The following MCF2L2 variants were observed in gnomAD, a reference collection of about 807,000 sequenced individuals.
MCF2L2 encodes the protein probable guanine nucleotide exchange factor MCF2L2.
Under a neutral mutation model 150.2 loss-of-function variants are expected in MCF2L2, and 102 were observed. The observed-to-expected ratio is 0.68, with a 90% CI of 0.58 to 0.80. The LOEUF is 0.80. Among genes scored for constraint, MCF2L2 ranks in the 30% least tolerant of loss-of-function variants. The pLI is 0.00. For synonymous variants in MCF2L2, 465 were observed against 491.3 expected (o/e 0.95, Z 0.71); for missense variants, 1,256 against 1,372.8 (o/e 0.91, Z 1.34).
chr3:183,223,204 G>T, intron 20 of MCF2L2, 142 bp downstream of exon 20: 1 of 612,586 alleles, frequency 1.6e-6, no homozygotes, highest in Non-Finnish European at 2.9e-6. Flanking sequence ...ATTTAGAGTT[G>T]GAGGAAAGAA....
In MCF2L2 at chr3:183,305,869, G is replaced by T. The variant is rs1035895386; in HGVS notation, c.1113+3847C>A. Among the ~76,000 whole-genome samples the T allele has an allele frequency of 1.3e-5, 2 of 152,144 alleles. No individual in the cohort carries two copies. Among genetic ancestry groups the T allele is most frequent in the African/African-American group, 4.8e-5 (2 of 41,430 alleles). On this transcript the variant is annotated intron_variant, in intron 10 of 29. Coordinates refer to ENST00000328913, the MANE Select transcript of MCF2L2 (RefSeq NM_015078.4). The surrounding 1 kb of genome is among the most constrained non-coding windows in gnomAD (Gnocchi z 4.1). ...CGTCTCAAAAAAAAGGGCAACTAAGGAGCAACCCGGATTCAGCCACCACAT... is the reference window on the plus strand; with the variant it reads ...CGTCTCAAAAAAAAGGGCAACTAAGTAGCAACCCGGATTCAGCCACCACAT...
At chr3:183,281,063 G>A (rs114345548) in intron 14 of MCF2L2, among the ~76,000 whole-genome samples, 5,321 of 151,996 alleles carry the variant, frequency 0.035, 162 homozygotes, top group Non-Finnish European at 0.049. Flanking sequence ...TAAAGGTTCA[G>A]CATTTTCTGG....
At chr3:183,325,019 G>A (rs1409643937) in intron 5 of MCF2L2, among the ~76,000 whole-genome samples, 2 of 135,112 alleles carry the variant, frequency 1.5e-5, no homozygotes, top group African/African-American at 6.1e-5. Flanking sequence ...ACTATCACAA[G>A]GACAAAAAAC....
chr3:183,372,795 G>A (rs947526120), intron 3 of MCF2L2: 13 of 152,178 alleles, frequency 8.5e-5, no homozygotes, highest in Admixed American at 6.5e-4. Flanking sequence ...TCTCCAATCC[G>A]TTTCTAATAA....
At chr3:183,250,643 T>TGAGATCA (rs1724475744) in intron 15 of MCF2L2, among the ~76,000 whole-genome samples, 1 of 145,004 alleles carries the variant, frequency 6.9e-6, no homozygotes. Flanking sequence ...AGACAATGGG[T>TGAGATCA]GAGATCAGCA....
intron 3 of MCF2L2, among the ~76,000 whole-genome samples, chr3:183,356,339 CCT>C (rs1711782050): frequency 6.6e-6 from 1 of 151,906 alleles, no homozygotes; most frequent in South Asian, 2.1e-4. Flanking sequence ...ACGGTGAAAC[CCT>C]GTCTCTACTA....
At chr3:183,424,348 T>A (rs1716052887) in intron 1 of MCF2L2, among the ~76,000 whole-genome samples, 1 of 152,184 alleles carries the variant, frequency 6.6e-6, no homozygotes, top group Non-Finnish European at 1.5e-5. Flanking sequence ...GAGGAACACA[T>A]GAAGGGCTTC....
rs1483270478 is a variant in MCF2L2 at position 183,427,940 on chromosome 3, T to C, written c.38A>G (p.Glu13Gly). ...SCLKEEMPPQELTRRLATVIT... is the reference protein window; with the variant it reads ...SCLKEEMPPQGLTRRLATVIT... ...CACTGTGGCCAGTCGCCGGGTGAGC[T>C]CCTGGGGAGGCATCTCTTCTTTTAA... The change falls in exon 1 of 30, where the codon GAG becomes GGG. Residue 13 changes from glutamate to glycine, a missense_variant. Transcript: ENST00000328913. 6.2e-7 allele frequency: 1 copy of C among 1,613,986 alleles called. No individual in the cohort carries two copies.
intron 27 of MCF2L2, 151 bp from the exon 28 acceptor site, chr3:183,180,310 G>A: frequency 1.7e-6 from 1 of 602,388 alleles, no homozygotes; most frequent in South Asian, 2.1e-5. Context: ...GCGCTGGGCT[G>A]TGAGGGGGTC....
chr3:183,313,700 C>T (rs991526566), intron 7 of MCF2L2, among the ~76,000 whole-genome samples: 3 of 152,204 alleles, frequency 2.0e-5, no homozygotes, highest in African/African-American at 7.2e-5. Flanking sequence ...TGCCCGCACT[C>T]AGGCTGGAGG....
intron 15 of MCF2L2, among the ~76,000 whole-genome samples, chr3:183,261,557 T>C (rs1431613143): frequency 2.6e-5 from 4 of 152,212 alleles, no homozygotes; most frequent in Non-Finnish European, 5.9e-5. Flanking sequence ...TAGTCTACTT[T>C]CTAAGCATAT....
chr3:183,355,702 G>T (rs1203457213), intron 3 of MCF2L2, among the ~76,000 whole-genome samples: 1 of 145,254 alleles, frequency 6.9e-6, no homozygotes, highest in Admixed American at 7.3e-5. Flanking sequence ...TCCTGACCTC[G>T]TGATCCGCCT....
intron 1 of MCF2L2, among the ~76,000 whole-genome samples, chr3:183,405,284 T>C (rs1460261774): frequency 1.3e-5 from 2 of 152,244 alleles, no homozygotes; most frequent in East Asian, 3.8e-4. Context: ...TTTCCAAATA[T>C]TGAACAATGA....
chr3:183,211,631 G>A (rs142886547), intron 22 of MCF2L2, among the ~76,000 whole-genome samples: 19 of 152,346 alleles, frequency 1.2e-4, no homozygotes, highest in Non-Finnish European at 2.1e-4. Flanking sequence ...GACCTTTTCC[G>A]TCACGTGTAC....
chr3:183,178,979 T>G lies in MCF2L2; in HGVS notation c.*401A>C. ...CTGCAGGCATTTTTGATTGTCACGATTTGGGGGCGGGGTGGAGGATGGGGT... is the reference window on the plus strand; with the variant it reads ...CTGCAGGCATTTTTGATTGTCACGAGTTGGGGGCGGGGTGGAGGATGGGGT... On this transcript the variant is annotated 3_prime_UTR_variant, in exon 30 of 30. Transcript: ENST00000328913. 2 of 165,076 alleles carry G rather than the reference T, an allele frequency of 1.2e-5. No homozygotes were observed. Among genetic ancestry groups the G allele is most frequent in the Non-Finnish European group, 2.6e-5 (2 of 76,940 alleles). The allele number at this position is 165,076 out of a possible 1,614,324, so 10.2% of individuals were successfully genotyped here. A position where few individuals can be genotyped will look rare whatever the true frequency, so the allele number is the denominator to read the frequency against.
intron 14 of MCF2L2, among the ~76,000 whole-genome samples, chr3:183,281,417 A>G (rs1405584046): frequency 6.6e-6 from 1 of 150,516 alleles, no homozygotes; most frequent in Non-Finnish European, 1.5e-5. Flanking sequence ...GAGAACAGGA[A>G]GAGAATCTAC....
intron 27 of MCF2L2, among the ~76,000 whole-genome samples, chr3:183,186,205 G>C (rs566161995): frequency 6.6e-5 from 10 of 152,196 alleles, no homozygotes; most frequent in South Asian, 2.1e-4. Context: ...TTTCCAATAA[G>C]ATTAAAATAT....
intron 25 of MCF2L2, 67 bp from the exon 26 acceptor site, chr3:183,195,322 T>C (rs1232340075): frequency 3.6e-6 from 4 of 1,123,012 alleles, no homozygotes; most frequent in Admixed American, 2.0e-5. Flanking sequence ...TTTTACATAG[T>C]GATTTTTAAA....
intron 15 of MCF2L2, among the ~76,000 whole-genome samples, chr3:183,260,276 C>G (rs1725464395): frequency 6.6e-6 from 1 of 152,104 alleles, no homozygotes; most frequent in Non-Finnish European, 1.5e-5. Context: ...GCATTTGGAA[C>G]AGGGCCTGGT....
Sources: gnomAD v4.1 joint callset for allele counts (sites outside exome capture counted in the v4.1 genomes callset) on GRCh38, gnomAD v4.1.1 for gene constraint, Gnocchi (gnomAD v3.1) non-coding constraint, MANE v1.5 for transcripts, NCBI Gene and HGNC (gene_info 2026-07-23, HGNC 2026-07-21) for gene names.